SEPTIN9: variants seen among roughly 807,000 people sequenced by gnomAD.
SEPTIN9 encodes septin 9, also known as septin-9.
SEPTIN9 carries 13 observed loss-of-function variants against 56.6 expected under a neutral mutation model. The ratio of observed to expected loss-of-function variants is 0.23; its 90% CI spans 0.15 to 0.37. The LOEUF (loss-of-function observed/expected upper bound fraction) is 0.37, where lower values mean the gene tolerates loss of function less well. Among genes scored for constraint, SEPTIN9 ranks in the 10% least tolerant of loss-of-function variants. The pLI is 1.00. For synonymous variants in SEPTIN9, 332 were observed against 334.1 expected (o/e 0.99, Z 0.07); for missense variants, 650 against 823.1 (o/e 0.79, Z 2.57).
chr17:77,402,841 A>C lies in SEPTIN9; in HGVS notation c.721+138A>C. 6.0e-6 allele frequency: 5 copies of C among 827,554 alleles called. No homozygotes were observed. Among genetic ancestry groups the C allele is most frequent in the Non-Finnish European group, 9.1e-6 (5 of 548,466 alleles). 51.3% of individuals were successfully genotyped at this position (827,554 alleles called of 1,614,324 possible). On this transcript the variant is annotated intron_variant, in intron 3 of 11. Coordinates refer to ENST00000427177, the MANE Select transcript of SEPTIN9 (RefSeq NM_001113491.2). This position sits in a 1 kb window ranked among gnomAD's most constrained non-coding sequence, Gnocchi z 6.6. The stretch of plus-strand genomic sequence containing the variant: ...TGGAGACCCAGAAAGACCGGAATGC[A>C]TGGGGGTGGGGGTCTGCAAGCTCAG...
At chr17:77,386,893 T>C (rs2035355509) in intron 2 of SEPTIN9, among the ~76,000 whole-genome samples, 1 of 152,232 alleles carries the variant, frequency 6.6e-6, no homozygotes. Flanking sequence ...ACTTCAGCCT[T>C]CAGTGCAGGG....
At chr17:77,380,843 G>T (rs1249051601) in intron 2 of SEPTIN9, among the ~76,000 whole-genome samples, 1 of 152,204 alleles carries the variant, frequency 6.6e-6, no homozygotes, top group Non-Finnish European at 1.5e-5. Context: ...GGGTGGGGTG[G>T]GGAGTAGGCC....
intron 2 of SEPTIN9, among the ~76,000 whole-genome samples, chr17:77,390,051 C>T (rs1022558947): frequency 2.6e-5 from 4 of 152,258 alleles, no homozygotes; most frequent in African/African-American, 9.6e-5. Flanking sequence ...GCCTTCGTCC[C>T]GGATCAGTCG....
chr17:77,493,247 A>G, intron 10 of SEPTIN9, 171 bp downstream of exon 10: 1 of 632,490 alleles, frequency 1.6e-6, no homozygotes, highest in Non-Finnish European at 2.8e-6. Flanking sequence ...GGAAAGTGAG[A>G]GGGCAAGTGG....
chr17:77,420,366 G>T (rs2036656048), intron 3 of SEPTIN9, among the ~76,000 whole-genome samples: 1 of 152,236 alleles, frequency 6.6e-6, no homozygotes, highest in African/African-American at 2.4e-5. Flanking sequence ...CTTCTTGGCT[G>T]GTGGTTCTGC....
chr17:77,319,920 G>C lies in SEPTIN9; in HGVS notation c.76+12723G>C, dbSNP rs1375182514. The C allele has an allele frequency of 3.1e-5, 35 of 1,111,804 alleles. No homozygotes were observed. Among genetic ancestry groups the C allele is most frequent in the Non-Finnish European group, 3.6e-5 (33 of 908,564 alleles). The allele number at this position is 1,111,804 out of a possible 1,614,324, so 68.9% of individuals were successfully genotyped here. A position where few individuals can be genotyped will look rare whatever the true frequency, so the allele number is the denominator to read the frequency against. The stretch of plus-strand genomic sequence containing the variant: ...TGGAGAGAGGAGGCTGCCGGAAGCC[G>C]CACTCGGGACCTCTGCAGCCACCGA... On this transcript the variant is annotated intron_variant, in intron 2 of 11. Transcript: ENST00000427177. The surrounding 1 kb of genome is among the most constrained non-coding windows in gnomAD (Gnocchi z 5.3).
At chr17:77,485,349 G>A (rs1290917071) in intron 4 of SEPTIN9, among the ~76,000 whole-genome samples, 1 of 151,702 alleles carries the variant, frequency 6.6e-6, no homozygotes, top group Non-Finnish European at 1.5e-5. Context: ...TGGTGTTGAT[G>A]GTGATAGTGG....
At chr17:77,409,228 T>G (rs1453873153) in intron 3 of SEPTIN9, among the ~76,000 whole-genome samples, 1 of 152,128 alleles carries the variant, frequency 6.6e-6, no homozygotes, top group Admixed American at 6.5e-5. Flanking sequence ...CTCCGAACTG[T>G]CCCTGGAGCC....
intron 3 of SEPTIN9, among the ~76,000 whole-genome samples, chr17:77,468,040 C>T (rs970804235): frequency 5.3e-5 from 8 of 151,882 alleles, no homozygotes; most frequent in South Asian, 2.1e-4. Context: ...CAGAGGCGGG[C>T]GGATTACGAG....
At chr17:77,414,427 A>G (rs1260325854) in intron 3 of SEPTIN9, among the ~76,000 whole-genome samples, 1 of 152,186 alleles carries the variant, frequency 6.6e-6, no homozygotes, top group Non-Finnish European at 1.5e-5. Context: ...TTCAGAGAGT[A>G]GTGCAACCAT....
At position 77,487,563 on chromosome 17, in the gene SEPTIN9, G is replaced by C; in HGVS notation, c.1042+11G>C. The C allele has an allele frequency of 6.2e-7, 1 of 1,612,460 alleles. No homozygotes were observed. The highest frequency in any genetic ancestry group is 8.5e-7 in the Non-Finnish European group (1 of 1,179,646). On this transcript the variant is annotated intron_variant, in intron 5 of 11. Coordinates refer to ENST00000427177, the MANE Select transcript of SEPTIN9 (RefSeq NM_001113491.2). This position sits in a 1 kb window ranked among gnomAD's most constrained non-coding sequence, Gnocchi z 4.3. ...AGTCCATCACGCACGGTCAGTGGCC[G>C]GGAGTGGGCTGGGGGTGCAGGACGC... is the stretch of plus-strand genomic sequence containing the variant.
chr17:77,473,866 T>G (rs1232067486), intron 3 of SEPTIN9, among the ~76,000 whole-genome samples: 1 of 152,214 alleles, frequency 6.6e-6, no homozygotes, highest in Non-Finnish European at 1.5e-5. Context: ...AATGTTATGG[T>G]CCTGGTCCAC....
intron 3 of SEPTIN9, among the ~76,000 whole-genome samples, chr17:77,473,942 G>C (rs2039109458): frequency 6.6e-6 from 1 of 152,196 alleles, no homozygotes; most frequent in Non-Finnish European, 1.5e-5. Context: ...TTCCAGAGCA[G>C]TTCTTTCTCT....
chr17:77,490,816 C>G lies in SEPTIN9; in HGVS notation c.1337C>G (p.Ala446Gly), dbSNP rs760752419. The G allele has an allele frequency of 6.3e-7, 1 of 1,594,394 alleles. No homozygotes were observed. The highest frequency in any genetic ancestry group is 2.3e-5 in the East Asian group (1 of 43,986). ...AACATCGTCCCTGTCATCGCCAAGG[C>G]GGACACACTCACCCTGGAGGAGAGG... is the stretch of plus-strand genomic sequence containing the variant. Reference protein sequence around the residue: ...VVNIVPVIAKADTLTLEERVH... With the variant: ...VVNIVPVIAKGDTLTLEERVH... Residue 446 changes from alanine to glycine, a missense_variant, in exon 8 of 12, where the codon GCG becomes GGG. Physicochemically the swap from Ala to Gly is moderately conservative, Grantham distance 60. Coordinates refer to ENST00000427177, the MANE Select transcript of SEPTIN9 (RefSeq NM_001113491.2).
intron 3 of SEPTIN9, among the ~76,000 whole-genome samples, chr17:77,415,184 C>G (rs1300077186): frequency 6.6e-6 from 1 of 152,058 alleles, no homozygotes; most frequent in African/African-American, 2.4e-5. Context: ...TGGGTGAGGG[C>G]CAGGAGGTGG....
intron 2 of SEPTIN9, chr17:77,373,342 T>G: frequency 8.5e-7 from 1 of 1,174,772 alleles, no homozygotes; most frequent in Non-Finnish European, 1.0e-6. Flanking sequence ...CCCCCATTCA[T>G]TCAGCTGAGC....
chr17:77,447,553 C>T (rs965476315), intron 3 of SEPTIN9, among the ~76,000 whole-genome samples: 5 of 152,238 alleles, frequency 3.3e-5, no homozygotes, highest in Admixed American at 6.5e-5. Flanking sequence ...GAAGAGTCGT[C>T]GTCAGTCACA....
intron 3 of SEPTIN9, among the ~76,000 whole-genome samples, chr17:77,447,445 C>G (rs2037784601): frequency 6.6e-6 from 1 of 152,250 alleles, no homozygotes; most frequent in Non-Finnish European, 1.5e-5. Context: ...CTCACTCTCC[C>G]TTTTGAGCCA....
intron 3 of SEPTIN9, among the ~76,000 whole-genome samples, chr17:77,415,796 G>A (rs543110489): frequency 7.2e-5 from 11 of 152,340 alleles, no homozygotes; most frequent in South Asian, 4.1e-4. Flanking sequence ...TGGACGGTGC[G>A]GAGGCATAAG....
Sources: gnomAD v4.1 joint callset for allele counts (sites outside exome capture counted in the v4.1 genomes callset) on GRCh38, gnomAD v4.1.1 for gene constraint, Gnocchi (gnomAD v3.1) non-coding constraint, MANE v1.5 for transcripts, NCBI Gene and HGNC (gene_info 2026-07-23, HGNC 2026-07-21) for gene names.